GABRB2: variants seen among roughly 807,000 people sequenced by gnomAD.
GABRB2 encodes gamma-aminobutyric acid receptor subunit beta-2.
GABRB2 carries 16 observed loss-of-function variants against 54.7 expected under a neutral mutation model. The ratio of observed to expected loss-of-function variants is 0.29; its 90% confidence interval spans 0.20 to 0.44. The LOEUF (loss-of-function observed/expected upper bound fraction) is 0.44, where lower values mean the gene tolerates loss of function less well. Among genes scored for constraint, GABRB2 ranks in the 20% least tolerant of loss-of-function variants. GABRB2 has a pLI of 1.00. For missense variants in GABRB2, 355 were observed against 644.0 expected (o/e 0.55, Z 4.86); for synonymous variants, 244 against 233.8 (o/e 1.04, Z -0.40).
chr5:161,458,865 AAC>A (rs1472605242), intron 4 of GABRB2, among the ~76,000 whole-genome samples: 1 of 152,236 alleles, frequency 6.6e-6, no homozygotes, highest in African/African-American at 2.4e-5. Flanking sequence ...ATATTCATGT[AAC>A]ACAGAATAAA....
At chr5:161,443,555 T>C (rs1441519998) in intron 4 of GABRB2, among the ~76,000 whole-genome samples, 2 of 152,240 alleles carry the variant, frequency 1.3e-5, no homozygotes, top group Admixed American at 6.5e-5. Context: ...GTCCAGAGTT[T>C]GAGGTTCCCC....
intron 5 of GABRB2, among the ~76,000 whole-genome samples, chr5:161,374,108 C>A (rs553725370): frequency 6.6e-6 from 1 of 152,030 alleles, no homozygotes; most frequent in Non-Finnish European, 1.5e-5. Flanking sequence ...CCATGCCCTG[C>A]TAATTTTGTA....
In GABRB2 at chr5:161,459,669, C is replaced by A. The variant is rs1231096947; in HGVS notation, c.413G>T (p.Arg138Leu). 6.2e-7 allele frequency: 1 copy of A among 1,613,998 alleles called. No individual in the cohort carries two copies. Among genetic ancestry groups the A allele is most frequent in the Non-Finnish European group, 8.5e-7 (1 of 1,180,012 alleles). ...GCCATCAGGATGCAGGCGAATCATG[C>A]GGTTCTTAACAGTCACTCCGTGCAC... ...SFVHGVTVKN[R>L]MIRLHPDGTV... is the part of the protein sequence containing the mutation. Residue 138 changes from arginine (R) to leucine (L), a missense_variant, in exon 4 of 10, where the codon CGC becomes CTC. By Grantham distance (102) the Arg-to-Leu change is moderately radical (BLOSUM62 -2). This residue lies in a region of GABRB2 where 15 missense variants were observed against 102.2 expected (regional missense o/e 0.15). Coordinates refer to ENST00000393959, the MANE Select transcript of GABRB2 (RefSeq NM_001371727.1).
At chr5:161,324,199 T>A (rs1014560636) in intron 9 of GABRB2, among the ~76,000 whole-genome samples, 1 of 152,166 alleles carries the variant, frequency 6.6e-6, no homozygotes. Context: ...AGAATATGAT[T>A]TTTATATAAA....
At chr5:161,368,847 T>C (rs1410060150) in intron 5 of GABRB2, among the ~76,000 whole-genome samples, 1 of 152,186 alleles carries the variant, frequency 6.6e-6, no homozygotes, top group African/African-American at 2.4e-5. Context: ...TAATTTTAGT[T>C]AATTGTCTTC....
chr5:161,325,132 CAT>C (rs1030362347), intron 9 of GABRB2, among the ~76,000 whole-genome samples: 59 of 152,188 alleles, frequency 3.9e-4, no homozygotes, highest in African/African-American at 1.3e-3. Flanking sequence ...AACTTTCATA[CAT>C]GTTTTCTTCT....
At chr5:161,374,717 G>A (rs11949658) in intron 5 of GABRB2, among the ~76,000 whole-genome samples, 12,330 of 152,136 alleles carry the variant, frequency 0.081, 618 homozygotes, top group African/African-American at 0.14. Context: ...CATGATCACT[G>A]TATATTGCTT....
At chr5:161,371,652 A>G (rs909433125) in intron 5 of GABRB2, among the ~76,000 whole-genome samples, 35 of 152,186 alleles carry the variant, frequency 2.3e-4, no homozygotes, top group African/African-American at 8.2e-4. Context: ...GTCTGAGGAT[A>G]AAGAGGGGGT....
chr5:161,507,829 C>A (rs576974086), intron 3 of GABRB2, among the ~76,000 whole-genome samples: 1 of 151,998 alleles, frequency 6.6e-6, no homozygotes, highest in Non-Finnish European at 1.5e-5. Flanking sequence ...ACTAGAATGG[C>A]TAAATTTATA....
At chr5:161,511,539 A>G (rs1759767699) in intron 3 of GABRB2, among the ~76,000 whole-genome samples, 1 of 152,066 alleles carries the variant, frequency 6.6e-6, no homozygotes, top group Non-Finnish European at 1.5e-5. Context: ...CCATAGGTAT[A>G]TTATGTATGT....
Position 161,322,309 on chromosome 5 carries a change from C to T in GABRB2, c.1191+4059G>A, listed in dbSNP as rs188370808. The stretch of plus-strand genomic sequence containing the variant: ...GGAGAGCAATGGTGCAATCTTGGCG[C>T]GCTGCAACCTCCACCTTCGAGGCTC... On this transcript the variant is annotated intron_variant, in intron 9 of 9. Transcript: ENST00000393959. Among the ~76,000 whole-genome samples, 957 of 152,270 alleles carry T rather than the reference C, an allele frequency of 6.3e-3. 6 individuals carry two copies. The highest frequency in any genetic ancestry group is 8.1e-3 in the Non-Finnish European group (548 of 68,022).
At chr5:161,345,356 G>T (rs1754292138) in intron 5 of GABRB2, among the ~76,000 whole-genome samples, 2 of 151,954 alleles carry the variant, frequency 1.3e-5, no homozygotes, top group East Asian at 3.9e-4. Flanking sequence ...CTCCTTGATG[G>T]ATTTCCCAGT....
chr5:161,331,150 G>C (rs755889674), intron 7 of GABRB2, 23 bp from the exon 8 acceptor site: 2 of 1,524,084 alleles, frequency 1.3e-6, no homozygotes, highest in East Asian at 2.3e-5. Context: ...GGGAGAGTTA[G>C]AGTAATAATG....
At chr5:161,483,569 A>G (rs141884632) in intron 3 of GABRB2, among the ~76,000 whole-genome samples, 1 of 152,060 alleles carries the variant, frequency 6.6e-6, no homozygotes, top group African/African-American at 2.4e-5. Context: ...ATTTACATGA[A>G]TAACTCTCAG....
chr5:161,516,310 T>C (rs1028604132), intron 3 of GABRB2, among the ~76,000 whole-genome samples: 1 of 152,190 alleles, frequency 6.6e-6, no homozygotes, highest in Admixed American at 6.5e-5. Flanking sequence ...TATGGATTCT[T>C]TCATTTAATG....
chr5:161,406,770 G>C (rs1313181299), intron 5 of GABRB2, among the ~76,000 whole-genome samples: 2 of 152,024 alleles, frequency 1.3e-5, no homozygotes, highest in Non-Finnish European at 1.5e-5. Flanking sequence ...TGTCACAAAG[G>C]GCAGTGTGTA....
chr5:161,458,463 G>A (rs1212004642), intron 4 of GABRB2, among the ~76,000 whole-genome samples: 4 of 151,976 alleles, frequency 2.6e-5, no homozygotes, highest in Non-Finnish European at 4.4e-5. Context: ...CCTTTTTCTC[G>A]ACAAATGTCA....
chr5:161,518,332 C>A (rs950967417), intron 3 of GABRB2, among the ~76,000 whole-genome samples: 1 of 152,134 alleles, frequency 6.6e-6, no homozygotes, highest in African/African-American at 2.4e-5. Context: ...TTTACAGTTT[C>A]AATCCATCTC....
intron 3 of GABRB2, among the ~76,000 whole-genome samples, chr5:161,532,000 G>A (rs531667488): frequency 1.7e-4 from 26 of 152,036 alleles, no homozygotes; most frequent in Non-Finnish European, 3.2e-4. Flanking sequence ...CTTAAGTTAT[G>A]AAGCTAATGT....
Sources: gnomAD v4.1 joint callset for allele counts (sites outside exome capture counted in the v4.1 genomes callset) on GRCh38, gnomAD v4.1.1 for gene constraint, gnomAD v4.1.1 regional missense constraint, MANE v1.5 for transcripts, NCBI Gene and HGNC (gene_info 2026-07-23, HGNC 2026-07-21) for gene names.